Variants in DOCK3 observed in about 807,000 individuals in gnomAD.
DOCK3 encodes the protein dedicator of cytokinesis 3, also known as dedicator of cytokinesis protein 3.
Under a neutral mutation model 265.6 loss-of-function variants are expected in DOCK3, and 60 were observed. The ratio of observed to expected loss-of-function variants is 0.23; its 90% confidence interval spans 0.18 to 0.28. The LOEUF is 0.28. Ranked by LOEUF, DOCK3 falls within the 10% of genes least tolerant of loss-of-function variation. The pLI, the probability that DOCK3 is intolerant of heterozygous loss-of-function variation, is 1.00. For synonymous variants in DOCK3, 881 were observed against 938.0 expected (o/e 0.94, Z 1.11); for missense variants, 1,981 against 2,594.3 (o/e 0.76, Z 5.14).
intron 5 of DOCK3, among the ~76,000 whole-genome samples, chr3:50,957,120 C>T (rs1478027692): frequency 1.3e-5 from 2 of 152,190 alleles, no homozygotes; most frequent in African/African-American, 4.8e-5. Flanking sequence ...AATGCTAAGT[C>T]ATGGACAAAT....
intron 5 of DOCK3, among the ~76,000 whole-genome samples, chr3:50,958,474 T>C (rs2076789659): frequency 6.6e-6 from 1 of 152,144 alleles, no homozygotes; most frequent in African/African-American, 2.4e-5. Flanking sequence ...CCCTCTCATC[T>C]TTTTTATGTC....
At chr3:50,840,581 C>T (rs1027310288) in intron 2 of DOCK3, among the ~76,000 whole-genome samples, 1 of 152,162 alleles carries the variant, frequency 6.6e-6, no homozygotes, top group African/African-American at 2.4e-5. Flanking sequence ...AATCTTTCAC[C>T]AATATCATAC....
At chr3:50,936,148 A>G (rs946221463) in intron 5 of DOCK3, among the ~76,000 whole-genome samples, 4 of 152,168 alleles carry the variant, frequency 2.6e-5, no homozygotes, top group Non-Finnish European at 5.9e-5. Context: ...GAAATCTATA[A>G]TAACCAAAAT....
At chr3:50,897,414 A>T (rs868819943) in intron 4 of DOCK3, among the ~76,000 whole-genome samples, 5 of 152,228 alleles carry the variant, frequency 3.3e-5, no homozygotes, top group African/African-American at 7.2e-5. Flanking sequence ...ATATACAATC[A>T]TGTCATCTGC....
In DOCK3 at chr3:50,921,588, C is replaced by T. The variant is rs574127750; in HGVS notation, c.219-12393C>T. ...AGTCATTCTCCATCCAGCTTTGTTC[C>T]GTTGCTAGCGAGGAGCTGCATTCCT... On this transcript the variant is annotated intron_variant, in intron 4 of 52. Transcript: ENST00000266037. 1.5e-3 allele frequency among the ~76,000 whole-genome samples: 224 copies of T among 152,272 alleles called. 1 individual carries two copies. The highest frequency in any genetic ancestry group is 0.011 in the Admixed American group (161 of 15,302).
chr3:51,127,149 T>C (rs1560098298), intron 9 of DOCK3, among the ~76,000 whole-genome samples: 1 of 152,124 alleles, frequency 6.6e-6, no homozygotes, highest in Non-Finnish European at 1.5e-5. Context: ...CAGTCTCTCT[T>C]TTCACATTTT....
chr3:51,353,348 A>G lies in DOCK3; in HGVS notation c.4108-1534A>G, dbSNP rs537888599. ...TGGCCCAGTCTGGGTGCAGTGGCTC[A>G]TGCCTGTAATCCGAGCACTTGGGAA... On this transcript the variant is annotated intron_variant, in intron 40 of 52. Transcript: ENST00000266037. Among the ~76,000 whole-genome samples the G allele has an allele frequency of 2.6e-5, 4 of 152,082 alleles. No individual in the cohort carries two copies. The South Asian group carries it at 6.2e-4, about 24-fold the overall frequency.
intron 5 of DOCK3, among the ~76,000 whole-genome samples, chr3:50,986,937 A>G (rs2077925297): frequency 6.6e-6 from 1 of 152,330 alleles, no homozygotes; most frequent in Middle Eastern, 3.4e-3. Context: ...GAGCCTGGAA[A>G]CCCATTGCCT....
At chr3:50,765,859 G>A (rs893269624) in intron 1 of DOCK3, among the ~76,000 whole-genome samples, 3 of 152,106 alleles carry the variant, frequency 2.0e-5, no homozygotes, top group Non-Finnish European at 4.4e-5. Flanking sequence ...ACACCAGAAT[G>A]TATTCCTCCT....
At chr3:51,338,909 C>T in intron 36 of DOCK3, 26 bp from the exon 37 acceptor site, 2 of 1,561,124 alleles carry the variant, frequency 1.3e-6, no homozygotes, top group Non-Finnish European at 1.7e-6. Context: ...AGGTAGTTGA[C>T]AGGTGTTTCC....
At chr3:50,793,321 G>T (rs898057893) in intron 2 of DOCK3, among the ~76,000 whole-genome samples, 1 of 149,860 alleles carries the variant, frequency 6.7e-6, no homozygotes, top group African/African-American at 2.5e-5. Context: ...AGTCTAGCTA[G>T]CCATCTATCT....
At chr3:51,069,905 T>C (rs1294050224) in intron 6 of DOCK3, among the ~76,000 whole-genome samples, 5 of 152,248 alleles carry the variant, frequency 3.3e-5, no homozygotes, top group Non-Finnish European at 4.4e-5. Context: ...TTTCCAGCGT[T>C]AGGACACCTG....
chr3:50,688,523 T>C lies in DOCK3; in HGVS notation c.37+13223T>C, dbSNP rs554795200. 1.1e-4 allele frequency among the ~76,000 whole-genome samples: 16 copies of C among 152,236 alleles called. No homozygotes were observed. The South Asian group carries it at 2.9e-3, about 28-fold the overall frequency. On this transcript the variant is annotated intron_variant, in intron 1 of 52. Transcript: ENST00000266037. ...TGTTGCCCAGGCTGGCGTGCAGTGG[T>C]GCAATCTCGGCTCGCTGCAACCTCT... is the stretch of plus-strand genomic sequence containing the variant.
intron 9 of DOCK3, among the ~76,000 whole-genome samples, chr3:51,103,833 C>G (rs1480679627): frequency 6.6e-6 from 1 of 152,170 alleles, no homozygotes; most frequent in South Asian, 2.1e-4. Context: ...ATTCACTTAT[C>G]CAACTACACA....
At chr3:50,905,950 T>A (rs1005330335) in intron 4 of DOCK3, among the ~76,000 whole-genome samples, 2 of 152,042 alleles carry the variant, frequency 1.3e-5, no homozygotes, top group African/African-American at 2.4e-5. Flanking sequence ...AATACCTAAT[T>A]TATTGAGAGT....
intron 45 of DOCK3, 45 bp from the exon 46 acceptor site, chr3:51,357,916 G>A (rs778028063): frequency 1.2e-6 from 2 of 1,612,692 alleles, no homozygotes; most frequent in Non-Finnish European, 1.7e-6. Flanking sequence ...AGTTCTCAGG[G>A]GCTACTCATG....
intron 5 of DOCK3, among the ~76,000 whole-genome samples, chr3:51,016,829 TATATG>T (rs1312853269): frequency 0.034 from 805 of 23,778 alleles, 226 homozygotes; most frequent in East Asian, 0.15. Context: ...TATATAAATA[TATATG>T]ATATATGTTT....
intron 32 of DOCK3, among the ~76,000 whole-genome samples, chr3:51,329,751 T>C (rs1195022665): frequency 6.6e-6 from 1 of 152,178 alleles, no homozygotes. Flanking sequence ...CAGGGTAAAG[T>C]TCTAACCAAA....
At chr3:50,943,666 A>T (rs1391608635) in intron 5 of DOCK3, among the ~76,000 whole-genome samples, 1 of 152,154 alleles carries the variant, frequency 6.6e-6, no homozygotes, top group Non-Finnish European at 1.5e-5. Context: ...AACACAGTGG[A>T]TGATACTGTA....
Sources: allele counts gnomAD v4.1 joint callset (sites outside exome capture counted in the v4.1 genomes callset), GRCh38; gene constraint gnomAD v4.1.1; transcripts MANE v1.5; gene names NCBI Gene and HGNC (gene_info 2026-07-23, HGNC 2026-07-21).